The following PLCB4 variants were observed in gnomAD, a reference collection of about 807,000 sequenced individuals.
PLCB4 encodes the protein 1-phosphatidylinositol 4,5-bisphosphate phosphodiesterase beta-4.
A neutral mutation model predicts 178.8 loss-of-function variants in PLCB4; 77 were observed. The observed-to-expected ratio is 0.43, with a 90% CI of 0.36 to 0.52. The LOEUF (loss-of-function observed/expected upper bound fraction) is 0.52, where lower values mean the gene tolerates loss of function less well. Among genes scored for constraint, PLCB4 ranks in the 20% least tolerant of loss-of-function variants. The probability of loss-of-function intolerance (pLI) is 0.00; values close to 1 mark genes in which losing one functional copy is unlikely to be tolerated. For synonymous variants in PLCB4, 496 were observed against 490.8 expected, an observed-to-expected ratio of 1.01 and a Z score of -0.14; for missense variants, 1,024 against 1,453.4, an observed-to-expected ratio of 0.70 and a Z score of 4.80.
chr20:9,201,178 G>A (rs1047320682), intron 2 of PLCB4, among the ~76,000 whole-genome samples: 29 of 152,150 alleles, frequency 1.9e-4, no homozygotes, highest in African/African-American at 6.0e-4. Context: ...ATGCAATTAT[G>A]TAATGTTACT....
chr20:9,322,961 C>T (rs1302280675), intron 4 of PLCB4, among the ~76,000 whole-genome samples: 1 of 152,180 alleles, frequency 6.6e-6, no homozygotes, highest in East Asian at 1.9e-4. Context: ...AGTGATAATA[C>T]CTACCTCGCA....
intron 3 of PLCB4, among the ~76,000 whole-genome samples, chr20:9,235,838 TTTG>T (rs2093987252): frequency 6.6e-6 from 1 of 152,208 alleles, no homozygotes; most frequent in Non-Finnish European, 1.5e-5. Context: ...TGGTCTGGAT[TTTG>T]TTATTAACTT....
intron 1 of PLCB4, among the ~76,000 whole-genome samples, chr20:9,083,266 A>G (rs1337507167): frequency 6.6e-6 from 1 of 152,126 alleles, no homozygotes; most frequent in Non-Finnish European, 1.5e-5. Flanking sequence ...GTTATGGTGC[A>G]GGGAACATAA....
intron 7 of PLCB4, among the ~76,000 whole-genome samples, chr20:9,357,127 G>C: frequency 6.6e-6 from 1 of 152,094 alleles, no homozygotes; most frequent in East Asian, 1.9e-4. Context: ...AAAACAAATA[G>C]AAAAGTAAAA....
At chr20:9,220,719 T>A (rs1164973313) in intron 3 of PLCB4, among the ~76,000 whole-genome samples, 1 of 152,232 alleles carries the variant, frequency 6.6e-6, no homozygotes, top group Non-Finnish European at 1.5e-5. Context: ...TTGACTTTTC[T>A]TTCATTTTGC....
At chr20:9,354,196 G>T (rs559552885) in intron 7 of PLCB4, among the ~76,000 whole-genome samples, 15 of 152,274 alleles carry the variant, frequency 9.9e-5, no homozygotes, top group Non-Finnish European at 2.2e-4. Context: ...ATGCAGTGGG[G>T]TGTGTGTGAA....
chr20:9,122,989 T>G (rs568098850), intron 2 of PLCB4, among the ~76,000 whole-genome samples: 3 of 152,172 alleles, frequency 2.0e-5, no homozygotes, highest in Non-Finnish European at 4.4e-5. Context: ...TAAGAAACAG[T>G]AAAAATGTAC....
At chr20:9,426,134 C>G (rs1415686924) in intron 28 of PLCB4, among the ~76,000 whole-genome samples, 4 of 149,168 alleles carry the variant, frequency 2.7e-5, no homozygotes, top group Admixed American at 2.0e-4. Flanking sequence ...TTTTTTTCCC[C>G]TAGGAAAAAA....
At chr20:9,113,160 T>C (rs2091646571) in intron 2 of PLCB4, among the ~76,000 whole-genome samples, 1 of 152,198 alleles carries the variant, frequency 6.6e-6, no homozygotes, top group Non-Finnish European at 1.5e-5. Context: ...AAAGTAAAGC[T>C]TGTTAATTGA....
In PLCB4 at chr20:9,187,255, A is replaced by G. The variant is rs781063768; in HGVS notation, c.-78-30135A>G. 9.2e-4 allele frequency among the ~76,000 whole-genome samples: 140 copies of G among 152,080 alleles called. 1 individual carries two copies. Among genetic ancestry groups the G allele is most frequent in the Admixed American group, 5.6e-3 (86 of 15,266 alleles). ...CTCCCAAAGTCCTGGGATTACAGGC[A>G]TGAGCACCATGCCCGGCCTACTTGT... is the stretch of plus-strand genomic sequence containing the variant. On this transcript the variant is annotated intron_variant, in intron 2 of 39. Coordinates refer to ENST00000378473, the MANE Select transcript of PLCB4 (RefSeq NM_001377142.1).
At chr20:9,122,189 G>T (rs1386963206) in intron 2 of PLCB4, among the ~76,000 whole-genome samples, 1 of 152,024 alleles carries the variant, frequency 6.6e-6, no homozygotes, top group African/African-American at 2.4e-5. Flanking sequence ...GCTTGTCGTA[G>T]ATAACTCTGT....
At chr20:9,136,451 G>A (rs1242309211) in intron 2 of PLCB4, among the ~76,000 whole-genome samples, 2 of 152,102 alleles carry the variant, frequency 1.3e-5, no homozygotes, top group African/African-American at 4.8e-5. Flanking sequence ...AGGAAAGGCA[G>A]GCAAGGAGCT....
chr20:9,143,260 C>T lies in PLCB4; in HGVS notation c.-79+46918C>T, dbSNP rs1158369032. 2.0e-5 allele frequency among the ~76,000 whole-genome samples: 3 copies of T among 152,132 alleles called. No individual in the cohort carries two copies. The East Asian group carries it at 5.8e-4, about 29-fold the overall frequency. On this transcript the variant is annotated intron_variant, in intron 2 of 39. Coordinates refer to ENST00000378473, the MANE Select transcript of PLCB4 (RefSeq NM_001377142.1). ...CTTTAAAATTGAAGTTCCATGACAG[C>T]AGAGATTTCTGTCTGTATCATGCAT... is the stretch of plus-strand genomic sequence containing the variant.
intron 9 of PLCB4, chr20:9,370,845 G>C: frequency 6.3e-6 from 1 of 158,508 alleles, no homozygotes; most frequent in South Asian, 1.9e-4. Context: ...GGATGCAGAG[G>C]TTGCAGTGAG....
chr20:9,385,056 T>G (rs1310978812), intron 14 of PLCB4, among the ~76,000 whole-genome samples: 9 of 152,184 alleles, frequency 5.9e-5, no homozygotes, highest in Admixed American at 5.9e-4. Context: ...AAAGCACATC[T>G]TGTACCGCCC....
chr20:9,265,320 T>G (rs1403521229), intron 3 of PLCB4, among the ~76,000 whole-genome samples: 2 of 151,946 alleles, frequency 1.3e-5, no homozygotes, highest in Non-Finnish European at 2.9e-5. Flanking sequence ...CCATCTCTAC[T>G]AAAAATACAA....
At chr20:9,475,714 T>C (rs1364153279) in intron 38 of PLCB4, among the ~76,000 whole-genome samples, 1 of 152,182 alleles carries the variant, frequency 6.6e-6, no homozygotes, top group Non-Finnish European at 1.5e-5. Flanking sequence ...ATCTTTCTAG[T>C]ATACATTTTT....
At chr20:9,425,540 A>G (rs892397949) in intron 28 of PLCB4, among the ~76,000 whole-genome samples, 4 of 152,270 alleles carry the variant, frequency 2.6e-5, no homozygotes, top group Admixed American at 1.3e-4. Context: ...GGATGTAAGC[A>G]TAGGGAGATC....
chr20:9,243,807 T>C (rs2094094358), intron 3 of PLCB4, among the ~76,000 whole-genome samples: 1 of 152,188 alleles, frequency 6.6e-6, no homozygotes, highest in Admixed American at 6.5e-5. Flanking sequence ...AGTTTGTGCC[T>C]CAAATTTCTC....
Sources: gnomAD v4.1 joint callset for allele counts (sites outside exome capture counted in the v4.1 genomes callset) on GRCh38, gnomAD v4.1.1 for gene constraint, MANE v1.5 for transcripts, NCBI Gene and HGNC (gene_info 2026-07-23, HGNC 2026-07-21) for gene names.